MEGF6: variants seen among roughly 807,000 people sequenced by gnomAD.
The protein encoded by MEGF6 is multiple EGF like domains 6, also known as multiple epidermal growth factor-like domains protein 6.
A neutral mutation model predicts 207.1 loss-of-function variants in MEGF6; 184 were observed. The ratio of observed to expected loss-of-function variants is 0.89; its 90% confidence interval spans 0.79 to 1.00. MEGF6 has a LOEUF of 1.00. Ranked by LOEUF, MEGF6 falls within the 50% of genes least tolerant of loss-of-function variation. The pLI is 0.00. For missense variants in MEGF6, 2,282 were observed against 2,202.9 expected (o/e 1.04, Z -0.72); for synonymous variants, 1,038 against 910.0 (o/e 1.14, Z -2.53).
At chr1:3,528,872 A>G (rs1642054357) in intron 4 of MEGF6, among the ~76,000 whole-genome samples, 1 of 152,188 alleles carries the variant, frequency 6.6e-6, no homozygotes, top group Non-Finnish European at 1.5e-5. Flanking sequence ...CAGGACTGTC[A>G]GGTAATAAAT....
chr1:3,580,751 G>T (rs1204945714), intron 3 of MEGF6, among the ~76,000 whole-genome samples: 1 of 138,958 alleles, frequency 7.2e-6, no homozygotes, highest in Non-Finnish European at 1.6e-5. Context: ...GCCAGGGTGG[G>T]ATGGCAGGGC....
chr1:3,567,213 T>C (rs1397548202), intron 4 of MEGF6, among the ~76,000 whole-genome samples: 3 of 152,220 alleles, frequency 2.0e-5, no homozygotes, highest in African/African-American at 7.2e-5. Context: ...GACAGAGCCC[T>C]GGTCCCTCCC....
At chr1:3,564,664 A>G (rs1377207466) in intron 4 of MEGF6, among the ~76,000 whole-genome samples, 1 of 152,078 alleles carries the variant, frequency 6.6e-6, no homozygotes, top group Non-Finnish European at 1.5e-5. Context: ...TCGACCTCCA[A>G]TGTCCAGAGG....
At chr1:3,530,882 G>A (rs886174737) in intron 4 of MEGF6, among the ~76,000 whole-genome samples, 14 of 152,220 alleles carry the variant, frequency 9.2e-5, no homozygotes, top group Non-Finnish European at 1.8e-4. Context: ...GCCCTGAGAG[G>A]GGACGGGGGT....
At chr1:3,506,065 C>A in intron 15 of MEGF6, 43 bp downstream of exon 15, 1 of 1,544,950 alleles carries the variant, frequency 6.5e-7, no homozygotes, top group Non-Finnish European at 8.8e-7. Context: ...CCCTTCCACC[C>A]GCTGCCACCA....
At chr1:3,580,303 G>C (rs534967020) in intron 3 of MEGF6, among the ~76,000 whole-genome samples, 1 of 151,964 alleles carries the variant, frequency 6.6e-6, no homozygotes, top group Non-Finnish European at 1.5e-5. Flanking sequence ...AGTGGTCAGC[G>C]CTGCACAGCT....
At chr1:3,561,023 A>G (rs1437554540) in intron 4 of MEGF6, among the ~76,000 whole-genome samples, 1 of 152,134 alleles carries the variant, frequency 6.6e-6, no homozygotes, top group Admixed American at 6.5e-5. Context: ...TCTGGGTCAC[A>G]TGAAGCTGAA....
In MEGF6 at chr1:3,560,015, A is replaced by G. The variant is rs541887840; in HGVS notation, c.481+19810T>C. ...ACAGTATGAGAGTCCGTCTCAAAATAAAAGAAAAAAAAAAAAAAAAAGGAA... is the reference window on the plus strand; with the variant it reads ...ACAGTATGAGAGTCCGTCTCAAAATGAAAGAAAAAAAAAAAAAAAAAGGAA... On this transcript the variant is annotated intron_variant, in intron 4 of 36. Coordinates refer to ENST00000356575, the MANE Select transcript of MEGF6 (RefSeq NM_001409.4). This position sits in a 1 kb window ranked among gnomAD's most constrained non-coding sequence, Gnocchi z 4.0. Among the ~76,000 whole-genome samples the G allele has an allele frequency of 5.9e-4, 80 of 136,752 alleles. No individual in the cohort carries two copies. Among genetic ancestry groups the G allele is most frequent in the Admixed American group, 2.0e-3 (26 of 12,800 alleles). 89.7% of individuals were successfully genotyped at this position (136,752 alleles called of 152,430 possible).
At position 3,496,987 on chromosome 1, in the gene MEGF6, C is replaced by T. The variant is rs370356299; in HGVS notation, c.3613+1G>A. 207 of 1,549,130 alleles carry T rather than the reference C, an allele frequency of 1.3e-4. 1 individual carries two copies. The East Asian group carries it at 2.4e-3, about 18-fold the overall frequency. On this transcript the variant is annotated splice_donor_variant, in intron 28 of 36. Coordinates refer to ENST00000356575, the MANE Select transcript of MEGF6 (RefSeq NM_001409.4). LOFTEE classifies it high-confidence loss of function. Reference sequence around the variant, plus strand: ...CCTGGGTGGGCACGGGCAGCACTCACGTTGCTGGCAGCTGGGGCCGTGGTA... The same window carrying T: ...CCTGGGTGGGCACGGGCAGCACTCATGTTGCTGGCAGCTGGGGCCGTGGTA...
At chr1:3,612,438 A>G (rs1164140626), upstream of MEGF6, among the ~76,000 whole-genome samples, 1 of 152,180 alleles carries the variant, frequency 6.6e-6, no homozygotes, top group East Asian at 1.9e-4. Flanking sequence ...AGGGGCCAGG[A>G]CCAGGTAGTC....
rs202006336 is a variant in MEGF6, at chr1:3,500,955, G to T, written c.2575+11C>A. On this transcript the variant is annotated intron_variant, in intron 20 of 36. Transcript: ENST00000356575. ...ATGTCTGGACAAAGGGCAAGCCAAG[G>T]GCCCCCGTACCTCTCTGGCAGCTAA... 2 of 1,611,132 alleles carry T rather than the reference G, an allele frequency of 1.2e-6. No homozygotes were observed. The highest frequency in any genetic ancestry group is 1.7e-6 in the Non-Finnish European group (2 of 1,179,910).
intron 4 of MEGF6, among the ~76,000 whole-genome samples, chr1:3,577,948 A>C (rs927006565): frequency 1.2e-4 from 19 of 152,174 alleles, no homozygotes; most frequent in Admixed American, 1.2e-3. Context: ...AGCCTCCTGC[A>C]AGCCCTGTGC....
chr1:3,578,497 C>A (rs939883855), intron 4 of MEGF6, among the ~76,000 whole-genome samples: 7 of 151,844 alleles, frequency 4.6e-5, no homozygotes, highest in African/African-American at 4.8e-5. Flanking sequence ...CCAAGGCCTG[C>A]AGCCTGGATG....
rs57753742 is a variant in MEGF6, at chr1:3,598,715, G to GC, written c.267-3269dup. Among the ~76,000 whole-genome samples the GC allele has an allele frequency of 3.7e-4, 46 of 124,378 alleles. 1 individual carries two copies. The highest frequency in any genetic ancestry group is 7.5e-4 in the South Asian group (3 of 4,006). 81.6% of individuals were successfully genotyped at this position (124,378 alleles called of 152,430 possible). On this transcript the variant is annotated intron_variant, in intron 2 of 36. Coordinates refer to ENST00000356575, the MANE Select transcript of MEGF6 (RefSeq NM_001409.4). ...AGGGCGGGGGTCGTCATGGTAACGA[G>GC]CCCCCCCCCCCCCCCCGGGGCCCAC... is the stretch of plus-strand genomic sequence containing the variant.
At chr1:3,538,108 A>AT (rs1484898889) in intron 4 of MEGF6, among the ~76,000 whole-genome samples, 6 of 152,152 alleles carry the variant, frequency 3.9e-5, no homozygotes, top group Admixed American at 6.5e-5. Context: ...AAGCCATCCC[A>AT]TGCCACCCCG....
chr1:3,495,101 G>A (rs1272614491), intron 30 of MEGF6, among the ~76,000 whole-genome samples: 1 of 152,202 alleles, frequency 6.6e-6, no homozygotes, highest in Non-Finnish European at 1.5e-5. Flanking sequence ...ACATCCTTCA[G>A]GCCTGAGAAG....
chr1:3,601,120 C>T (rs1644151063), intron 2 of MEGF6, among the ~76,000 whole-genome samples: 1 of 152,210 alleles, frequency 6.6e-6, no homozygotes, highest in Non-Finnish European at 1.5e-5. Flanking sequence ...CAATGCTGCT[C>T]CCACCCTGCC....
intron 4 of MEGF6, among the ~76,000 whole-genome samples, chr1:3,525,713 A>G (rs1481497717): frequency 6.6e-6 from 1 of 152,204 alleles, no homozygotes; most frequent in Non-Finnish European, 1.5e-5. Context: ...GTGGTGCTCC[A>G]GGCATCCTTC....
chr1:3,609,853 G>A (rs78000706), intron 1 of MEGF6, among the ~76,000 whole-genome samples: 4,735 of 152,234 alleles, frequency 0.031, 147 homozygotes, highest in East Asian at 0.09. Context: ...GAGGCCCCTC[G>A]CAAGAGCAGG....
Sources: gnomAD v4.1 joint callset for allele counts (sites outside exome capture counted in the v4.1 genomes callset) on GRCh38, gnomAD v4.1.1 for gene constraint, Gnocchi (gnomAD v3.1) non-coding constraint, MANE v1.5 for transcripts, NCBI Gene and HGNC (gene_info 2026-07-23, HGNC 2026-07-21) for gene names.